LTBP1: variants seen among roughly 807,000 people sequenced by gnomAD.
LTBP1 encodes latent transforming growth factor beta binding protein 1.
Under a neutral mutation model 207.6 loss-of-function variants are expected in LTBP1, and 129 were observed. That is an observed-to-expected ratio of 0.62 (90% CI 0.54 to 0.72). The LOEUF (loss-of-function observed/expected upper bound fraction) is 0.72. LTBP1 is among the 30% of genes least tolerant of loss of function. The pLI, the probability that LTBP1 is intolerant of heterozygous loss-of-function variation, is 0.00. For missense variants in LTBP1, 2,281 were observed against 2,217.2 expected (o/e 1.03, Z -0.58); for synonymous variants, 963 against 833.7 (o/e 1.16, Z -2.67).
chr2:33,018,796 C>G (rs563975929), intron 2 of LTBP1, among the ~76,000 whole-genome samples: 1 of 152,102 alleles, frequency 6.6e-6, no homozygotes, highest in South Asian at 2.1e-4. Context: ...TCCTCATAAC[C>G]CCCAAACACA....
chr2:32,993,325 G>C (rs1373573820), intron 2 of LTBP1, among the ~76,000 whole-genome samples: 1 of 152,136 alleles, frequency 6.6e-6, no homozygotes, highest in East Asian at 1.9e-4. Flanking sequence ...AATTGGTGGA[G>C]ACAGCCTGAC....
At position 32,947,675 on chromosome 2, in the gene LTBP1, G is replaced by T. The variant is rs1049146278; in HGVS notation, c.351G>T (p.Gln117His). ...CGCGTCCCGCGGTCCCCGGCGGGCA[G>T]CTCCACCCCAATCCCGGCGGCCACC... ...EPARPAVPGG[Q>H]LHPNPGGHPA... The change falls in exon 1 of 34, where the codon CAG (glutamine) becomes CAT (histidine). Residue 117 changes from glutamine to histidine, a missense_variant. Around this residue, in one of 3 missense-constraint regions of LTBP1, gnomAD observed 555 missense variants for 491.0 expected, o/e 1.13. Transcript: ENST00000404816. 30 of 1,478,448 alleles carry T rather than the reference G, an allele frequency of 2.0e-5. No homozygotes were observed. The highest frequency in any genetic ancestry group is 3.0e-5 in the East Asian group (1 of 33,382). The allele number at this position is 1,478,448 out of a possible 1,614,324, so 91.6% of individuals were successfully genotyped here.
chr2:33,218,989 T>C (rs1399155801), intron 8 of LTBP1, among the ~76,000 whole-genome samples: 1 of 152,228 alleles, frequency 6.6e-6, no homozygotes, highest in Admixed American at 6.5e-5. Flanking sequence ...TAGTATTCCA[T>C]ATCTCTTTCT....
intron 3 of LTBP1, among the ~76,000 whole-genome samples, chr2:33,102,295 G>A (rs1226055494): frequency 6.6e-6 from 1 of 152,172 alleles, no homozygotes; most frequent in Non-Finnish European, 1.5e-5. Flanking sequence ...GGGCTGTTCT[G>A]TGCATTATAG....
chr2:33,344,470 C>T (rs1050006523), intron 25 of LTBP1, among the ~76,000 whole-genome samples: 1 of 152,128 alleles, frequency 6.6e-6, no homozygotes, highest in Non-Finnish European at 1.5e-5. Flanking sequence ...TGTCACTGTG[C>T]AATTATTTGA....
At chr2:33,188,243 A>T (rs2087424451) in intron 6 of LTBP1, among the ~76,000 whole-genome samples, 1 of 152,044 alleles carries the variant, frequency 6.6e-6, no homozygotes, top group African/African-American at 2.4e-5. Context: ...CAACGTGGTG[A>T]AACCCCGTCT....
At chr2:33,024,846 A>G (rs544364790) in intron 3 of LTBP1, among the ~76,000 whole-genome samples, 2 of 152,322 alleles carry the variant, frequency 1.3e-5, no homozygotes, top group East Asian at 1.9e-4. Flanking sequence ...ACATGCATTT[A>G]TTGACTGACA....
chr2:33,336,388 T>C (rs971679215), intron 24 of LTBP1, among the ~76,000 whole-genome samples: 5 of 152,220 alleles, frequency 3.3e-5, no homozygotes, highest in Admixed American at 6.5e-5. Context: ...CAGGCCCTGT[T>C]CCTCTGCCAG....
At chr2:32,949,040 C>A in intron 2 of LTBP1, 95 bp downstream of exon 2, 1 of 1,215,402 alleles carries the variant, frequency 8.2e-7, no homozygotes, top group South Asian at 1.2e-5. Flanking sequence ...TGAAAGGGCT[C>A]GGGGGAAGTT....
At chr2:33,012,605 A>G (rs1259503751) in intron 2 of LTBP1, among the ~76,000 whole-genome samples, 1 of 152,118 alleles carries the variant, frequency 6.6e-6, no homozygotes, top group East Asian at 1.9e-4. Context: ...TTGGACTCTG[A>G]TCTACTTGAG....
At chr2:33,227,766 A>T (rs2091523896) in intron 9 of LTBP1, among the ~76,000 whole-genome samples, 1 of 151,524 alleles carries the variant, frequency 6.6e-6, no homozygotes, top group South Asian at 2.1e-4. Flanking sequence ...GGATGAAGAA[A>T]GGGTTCATTT....
chr2:33,043,556 G>A (rs2076297029), intron 3 of LTBP1, among the ~76,000 whole-genome samples: 1 of 152,132 alleles, frequency 6.6e-6, no homozygotes. Context: ...GGTGGTGGAG[G>A]GAGAGAGTGT....
chr2:33,357,492 T>C (rs2094877661), intron 26 of LTBP1, among the ~76,000 whole-genome samples: 2 of 152,212 alleles, frequency 1.3e-5, no homozygotes, highest in South Asian at 4.1e-4. Flanking sequence ...ATAGGCCACT[T>C]GGAACCGACA....
At chr2:33,397,309 C>A in intron 33 of LTBP1, 27 bp downstream of exon 33, 1 of 1,611,626 alleles carries the variant, frequency 6.2e-7, no homozygotes, top group South Asian at 1.1e-5. Flanking sequence ...TTTTATGGGA[C>A]ATTAATTTTT....
At chr2:33,345,294 G>A (rs917594050) in intron 25 of LTBP1, among the ~76,000 whole-genome samples, 2 of 152,108 alleles carry the variant, frequency 1.3e-5, no homozygotes, top group African/African-American at 2.4e-5. Context: ...CAATTATTTT[G>A]TTCATTTCCC....
chr2:33,145,815 T>G lies in LTBP1; in HGVS notation c.1201+10855T>G, dbSNP rs564206928. On this transcript the variant is annotated intron_variant, in intron 5 of 33. Coordinates refer to ENST00000404816, the MANE Select transcript of LTBP1 (RefSeq NM_206943.4). Reference sequence around the variant, plus strand: ...GTATTCAACAAAATTTCCTTTGTATTATACCATTTTCCAAAAAGAAGCTAA... The same window carrying G: ...GTATTCAACAAAATTTCCTTTGTATGATACCATTTTCCAAAAAGAAGCTAA... Among the ~76,000 whole-genome samples the G allele has an allele frequency of 5.3e-5, 8 of 152,314 alleles. No individual in the cohort carries two copies. In the South Asian group the frequency reaches 1.2e-3, roughly 24 times the overall value.
At chr2:32,950,554 CA>C (rs61179206) in intron 2 of LTBP1, among the ~76,000 whole-genome samples, 67,224 of 114,646 alleles carry the variant, frequency 0.59, 18,771 homozygotes, top group East Asian at 0.92. Flanking sequence ...GACTCTGTCT[CA>C]AAAAAAAAAA....
chr2:33,217,803 A>G, intron 8 of LTBP1, 149 bp downstream of exon 8: 1 of 563,298 alleles, frequency 1.8e-6, no homozygotes, highest in Non-Finnish European at 3.1e-6. Flanking sequence ...TTTCCAGAAA[A>G]TTTGCAAGTC....
chr2:33,232,755 T>C (rs1469464204), intron 9 of LTBP1, among the ~76,000 whole-genome samples: 1 of 152,184 alleles, frequency 6.6e-6, no homozygotes, highest in Non-Finnish European at 1.5e-5. Context: ...ATCTGTATTT[T>C]GAGGTTATAT....
Sources: allele counts gnomAD v4.1 joint callset (sites outside exome capture counted in the v4.1 genomes callset), GRCh38; gene constraint gnomAD v4.1.1; regional missense constraint gnomAD v4.1.1; transcripts MANE v1.5; gene names NCBI Gene and HGNC (gene_info 2026-07-23, HGNC 2026-07-21).